Variants in ISM1 observed in about 807,000 individuals in gnomAD.
ISM1 encodes isthmin 1, also known as isthmin-1.
Under a neutral mutation model 46.3 loss-of-function variants are expected in ISM1, and 25 were observed. The observed-to-expected ratio is 0.54, with a 90% CI of 0.39 to 0.75. The LOEUF is 0.75. Among genes scored for constraint, ISM1 ranks in the 30% least tolerant of loss-of-function variants. ISM1 has a pLI of 0.00. For synonymous variants in ISM1, 255 were observed against 256.7 expected (o/e 0.99, Z 0.06); for missense variants, 536 against 625.4 (o/e 0.86, Z 1.52).
At chr20:13,317,082 A>T in the ISM1 span, among the ~76,000 whole-genome samples, 11 of 152,002 alleles carry the variant, frequency 7.2e-5, no homozygotes, top group Admixed American at 1.3e-4. Flanking sequence ...ATAAGCAATT[A>T]TAGCGGCATT....
chr20:13,308,251 G>A, the ISM1 span, among the ~76,000 whole-genome samples: 152,325 of 152,328 alleles, frequency 1, 76,161 homozygotes, highest in Middle Eastern at 1. Flanking sequence ...CTGTAACACA[G>A]TGTGAATCTG....
intron 1 of ISM1, among the ~76,000 whole-genome samples, chr20:13,268,857 G>A (rs2040078164): frequency 6.6e-6 from 1 of 152,174 alleles, no homozygotes; most frequent in South Asian, 2.1e-4. Context: ...TGAGGTTGTA[G>A]TGAGCTCAGT....
rs2040101402 is a variant in ISM1, at chr20:13,270,584, C to A, written c.219C>A (p.Asp73Glu). The A allele has an allele frequency of 6.2e-7, 1 of 1,613,832 alleles. No homozygotes were observed. Among genetic ancestry groups the A allele is most frequent in the Non-Finnish European group, 8.5e-7 (1 of 1,179,872 alleles). ...LSKEAPREHL[D>E]HQAAHQPFPR... ...AAGAAGCACCAAGGGAGCATCTGGA[C>A]CACCAGGCTGCACACCAACCCTTCC... The change falls in exon 2 of 6, where the codon GAC becomes GAA. Residue 73 changes from aspartate (D) to glutamate (E), a missense_variant. Asp to Glu is a conservative substitution (Grantham distance 45). Around this residue, in one of 2 missense-constraint regions of ISM1, gnomAD observed 367 missense variants for 376.1 expected, o/e 0.98. Coordinates refer to ENST00000262487, the MANE Select transcript of ISM1 (RefSeq NM_080826.2).
chr20:13,255,013 C>T (rs1249941300), intron 1 of ISM1, among the ~76,000 whole-genome samples: 1 of 152,208 alleles, frequency 6.6e-6, no homozygotes, highest in Admixed American at 6.5e-5. Flanking sequence ...ACGGTCCCTG[C>T]CTCATGGTTC....
chr20:13,271,292 AG>A (rs1347073268), intron 2 of ISM1, among the ~76,000 whole-genome samples: 6 of 152,328 alleles, frequency 3.9e-5, no homozygotes, highest in Admixed American at 2.0e-4. Context: ...AAACAATAAG[AG>A]GAAGGAAGTT....
chr20:13,280,231 T>C (rs1015671079), intron 3 of ISM1, among the ~76,000 whole-genome samples: 2 of 151,970 alleles, frequency 1.3e-5, no homozygotes, highest in African/African-American at 4.8e-5. Context: ...ATTAACTTCC[T>C]TGTATTTTTT....
intron 2 of ISM1, among the ~76,000 whole-genome samples, chr20:13,272,017 G>C (rs1051183582): frequency 2.0e-5 from 3 of 152,076 alleles, no homozygotes; most frequent in Non-Finnish European, 4.4e-5. Flanking sequence ...GGGCTCAAGC[G>C]ATCCCCCTGC....
chr20:13,248,645 C>T (rs142834490), intron 1 of ISM1, among the ~76,000 whole-genome samples: 199 of 152,252 alleles, frequency 1.3e-3, no homozygotes, highest in African/African-American at 4.4e-3. Flanking sequence ...TTTGTTTTCC[C>T]CTTTCAGTTC....
chr20:13,243,055 T>G (rs1368655790), intron 1 of ISM1, among the ~76,000 whole-genome samples: 1 of 152,218 alleles, frequency 6.6e-6, no homozygotes, highest in African/African-American at 2.4e-5. Flanking sequence ...AGGCAAGATT[T>G]GAACTTTGGC....
chr20:13,231,515 T>C (rs1386155354), intron 1 of ISM1, among the ~76,000 whole-genome samples: 1 of 152,202 alleles, frequency 6.6e-6, no homozygotes, highest in African/African-American at 2.4e-5. Context: ...CAGAGGCGTG[T>C]GGGATTGTCA....
At chr20:13,234,412 C>G (rs2039624423) in intron 1 of ISM1, among the ~76,000 whole-genome samples, 1 of 152,116 alleles carries the variant, frequency 6.6e-6, no homozygotes, top group Non-Finnish European at 1.5e-5. Flanking sequence ...GTGATATAAA[C>G]AGATGAGTGC....
chr20:13,232,202 CA>C (rs1293268337), intron 1 of ISM1, among the ~76,000 whole-genome samples: 1 of 152,124 alleles, frequency 6.6e-6, no homozygotes, highest in African/African-American at 2.4e-5. Flanking sequence ...ATAAACTGTA[CA>C]TATTTAAATG....
At chr20:13,226,753 C>A (rs1421335242) in intron 1 of ISM1, among the ~76,000 whole-genome samples, 10 of 152,178 alleles carry the variant, frequency 6.6e-5, no homozygotes, top group Admixed American at 6.5e-4. Flanking sequence ...GGACTCAGAG[C>A]AGCAAGAGAA....
At chr20:13,282,975 A>C (rs1286845814) in intron 3 of ISM1, among the ~76,000 whole-genome samples, 1 of 152,200 alleles carries the variant, frequency 6.6e-6, no homozygotes, top group Non-Finnish European at 1.5e-5. Context: ...TCTGGAATTC[A>C]TCTTTTCCGG....
chr20:13,298,388 T>A (rs897451734), intron 5 of ISM1, among the ~76,000 whole-genome samples: 1 of 152,202 alleles, frequency 6.6e-6, no homozygotes, highest in Non-Finnish European at 1.5e-5. Context: ...AGTGCTGGGA[T>A]TACAGGCATA....
chr20:13,235,882 G>T (rs1217264226), intron 1 of ISM1, among the ~76,000 whole-genome samples: 1 of 152,096 alleles, frequency 6.6e-6, no homozygotes, highest in African/African-American at 2.4e-5. Context: ...GAACATGCCT[G>T]GGGACAGGAG....
chr20:13,241,402 A>G (rs1017097617), intron 1 of ISM1, among the ~76,000 whole-genome samples: 1 of 152,228 alleles, frequency 6.6e-6, no homozygotes, highest in East Asian at 1.9e-4. Flanking sequence ...GAACGATCCA[A>G]TAGAAAGGGA....
chr20:13,296,200 C>T (rs752462043), intron 5 of ISM1, among the ~76,000 whole-genome samples: 30 of 152,170 alleles, frequency 2.0e-4, no homozygotes, highest in Non-Finnish European at 3.8e-4. Context: ...TTCCTCCACC[C>T]ATAGCATGTC....
intron 5 of ISM1, among the ~76,000 whole-genome samples, chr20:13,295,788 C>T (rs1040377387): frequency 6.6e-6 from 1 of 152,290 alleles, no homozygotes; most frequent in African/African-American, 2.4e-5. Flanking sequence ...GCTTGTCGGG[C>T]GGTTCCCCTA....
Sources: allele counts gnomAD v4.1 joint callset (sites outside exome capture counted in the v4.1 genomes callset), GRCh38; gene constraint gnomAD v4.1.1; regional missense constraint gnomAD v4.1.1; transcripts MANE v1.5; gene names NCBI Gene and HGNC (gene_info 2026-07-23, HGNC 2026-07-21).